Variants in DCC observed in about 807,000 individuals in gnomAD.
DCC encodes DCC netrin 1 receptor, also known as netrin receptor DCC.
In DCC, 58 loss-of-function variants were observed where a neutral mutation model predicts 172.5. The observed-to-expected ratio is 0.34, with a 90% CI of 0.27 to 0.42. The LOEUF (loss-of-function observed/expected upper bound fraction) is 0.42. Among genes scored for constraint, DCC ranks in the 10% least tolerant of loss-of-function variants. The probability of loss-of-function intolerance (pLI) is 1.00; values close to 1 mark genes in which losing one functional copy is unlikely to be tolerated. For synonymous variants in DCC, 709 were observed against 644.5 expected, an observed-to-expected ratio of 1.10 and a Z score of -1.52; for missense variants, 1,740 against 1,791.0, an observed-to-expected ratio of 0.97 and a Z score of 0.51.
chr18:52,754,650 A>T (rs2037051936), intron 2 of DCC, among the ~76,000 whole-genome samples: 1 of 152,164 alleles, frequency 6.6e-6, no homozygotes, highest in Non-Finnish European at 1.5e-5. Flanking sequence ...CAGTCCAGAT[A>T]CTTTGTGATA....
At chr18:52,514,021 A>G (rs564185494) in intron 1 of DCC, among the ~76,000 whole-genome samples, 5 of 152,180 alleles carry the variant, frequency 3.3e-5, no homozygotes, top group African/African-American at 1.2e-4. Flanking sequence ...CTTCCACAAG[A>G]TAGTTTGGAC....
At chr18:53,399,554 C>G (rs529026956) in intron 18 of DCC, among the ~76,000 whole-genome samples, 1 of 152,008 alleles carries the variant, frequency 6.6e-6, no homozygotes, top group African/African-American at 2.4e-5. Flanking sequence ...TTAAATGTTA[C>G]CTTCCATTCA....
At chr18:52,994,520 C>CGA (rs2041448632) in intron 5 of DCC, among the ~76,000 whole-genome samples, 3 of 152,132 alleles carry the variant, frequency 2.0e-5, no homozygotes, top group African/African-American at 7.2e-5. Flanking sequence ...GATTCTCATA[C>CGA]TTCAGTGAGT....
chr18:53,508,603 T>C (rs1321214123), intron 27 of DCC, among the ~76,000 whole-genome samples: 1 of 152,222 alleles, frequency 6.6e-6, no homozygotes, highest in Non-Finnish European at 1.5e-5. Context: ...TATTTTCTTT[T>C]TGGCTACGCT....
At chr18:52,370,465 A>G (rs1985067304) in intron 1 of DCC, among the ~76,000 whole-genome samples, 1 of 152,222 alleles carries the variant, frequency 6.6e-6, no homozygotes, top group Admixed American at 6.5e-5. Context: ...ATGCAGGAAC[A>G]GGAAACCAAA....
chr18:52,585,700 A>G (rs974512188), intron 1 of DCC, among the ~76,000 whole-genome samples: 1 of 152,228 alleles, frequency 6.6e-6, no homozygotes, highest in Admixed American at 6.5e-5. Flanking sequence ...AAAGTCAAAA[A>G]TAGATATGAA....
chr18:52,639,267 C>A (rs2034844903), intron 1 of DCC, among the ~76,000 whole-genome samples: 1 of 151,982 alleles, frequency 6.6e-6, no homozygotes, highest in Non-Finnish European at 1.5e-5. Context: ...AGAACAAGAA[C>A]AAATCCAACC....
In DCC at chr18:53,226,948, A is replaced by ATATTTTTTTTTT; in HGVS notation, c.1911+11352_1911+11353insATTTTTTTTTTT. Among the ~76,000 whole-genome samples, 67 of 52,944 alleles carry ATATTTTTTTTTT rather than the reference A, an allele frequency of 1.3e-3. 1 individual carries two copies. Among genetic ancestry groups the ATATTTTTTTTTT allele is most frequent in the Non-Finnish European group, 1.7e-3 (42 of 24,862 alleles). The allele number at this position is 52,944 out of a possible 152,430, so 34.7% of individuals were successfully genotyped here. A position where few individuals can be genotyped will look rare whatever the true frequency, so the allele number is the denominator to read the frequency against. On this transcript the variant is annotated intron_variant, in intron 12 of 28. Transcript: ENST00000442544. The stretch of plus-strand genomic sequence containing the variant: ...TGTGTGTGTGTGTATATATATATAT[A>ATATTTTTTTTTT]TTTTTTTTTTTTTTTTTTTGAGGCA...
intron 1 of DCC, among the ~76,000 whole-genome samples, chr18:52,745,329 T>G (rs1032785710): frequency 6.6e-6 from 1 of 152,160 alleles, no homozygotes; most frequent in Admixed American, 6.5e-5. Flanking sequence ...AGAACCCCCT[T>G]GCTCCAATCC....
chr18:53,044,774 A>G (rs555936321), intron 5 of DCC, among the ~76,000 whole-genome samples: 2 of 152,028 alleles, frequency 1.3e-5, no homozygotes, highest in African/African-American at 4.8e-5. Flanking sequence ...ACAATGCAGA[A>G]AATTTGTACC....
At chr18:52,877,319 A>G (rs2039418344) in intron 2 of DCC, among the ~76,000 whole-genome samples, 1 of 152,170 alleles carries the variant, frequency 6.6e-6, no homozygotes, top group African/African-American at 2.4e-5. Flanking sequence ...GTCCCTGGAG[A>G]AAAAAGAAAG....
At chr18:53,040,850 C>G (rs550437924) in intron 5 of DCC, among the ~76,000 whole-genome samples, 75 of 151,934 alleles carry the variant, frequency 4.9e-4, no homozygotes, top group Admixed American at 2.8e-3. Context: ...ACCACTGAGA[C>G]AGGTCAGGAT....
chr18:52,994,097 T>G (rs1051477757), intron 5 of DCC, among the ~76,000 whole-genome samples: 1 of 152,128 alleles, frequency 6.6e-6, no homozygotes, highest in Non-Finnish European at 1.5e-5. Flanking sequence ...GTCTCAGGAA[T>G]AGTCCTATTG....
At chr18:52,820,852 C>T (rs1017091592) in intron 2 of DCC, among the ~76,000 whole-genome samples, 3 of 152,206 alleles carry the variant, frequency 2.0e-5, no homozygotes, top group East Asian at 3.9e-4. Context: ...CACTGGAAAA[C>T]GAAGAGCCTG....
chr18:52,587,862 G>C (rs1264135136), intron 1 of DCC, among the ~76,000 whole-genome samples: 1 of 152,172 alleles, frequency 6.6e-6, no homozygotes, highest in Non-Finnish European at 1.5e-5. Flanking sequence ...ATTGGTACAG[G>C]CTGGGGATGA....
intron 1 of DCC, among the ~76,000 whole-genome samples, chr18:52,487,035 T>G (rs1343190592): frequency 2.0e-5 from 3 of 152,150 alleles, no homozygotes; most frequent in Admixed American, 2.0e-4. Context: ...ACCCACAGCC[T>G]TTAAATAAAA....
chr18:52,902,039 A>G (rs182688676), intron 2 of DCC, among the ~76,000 whole-genome samples: 4 of 152,314 alleles, frequency 2.6e-5, no homozygotes. Context: ...TAGAGATTTG[A>G]TAGGTAGATG....
chr18:52,835,331 A>G (rs938940774), intron 2 of DCC, among the ~76,000 whole-genome samples: 5 of 152,214 alleles, frequency 3.3e-5, no homozygotes, highest in African/African-American at 1.2e-4. Flanking sequence ...AACCATTTCA[A>G]AGTAATTTAC....
In DCC at chr18:53,039,042, C is replaced by T. The variant is rs552244663; in HGVS notation, c.986-24263C>T. The stretch of plus-strand genomic sequence containing the variant: ...GGAGAAATGTTGAGGTCGCCAAACC[C>T]AGGGAGCTTTTTAACTGATTCATTT... On this transcript the variant is annotated intron_variant, in intron 5 of 28. Transcript: ENST00000442544. 3.3e-5 allele frequency among the ~76,000 whole-genome samples: 5 copies of T among 152,112 alleles called. 1 individual carries two copies. The South Asian group carries it at 1.0e-3, about 31-fold the overall frequency.
Sources: gnomAD v4.1 joint callset for allele counts (sites outside exome capture counted in the v4.1 genomes callset) on GRCh38, gnomAD v4.1.1 for gene constraint, MANE v1.5 for transcripts, NCBI Gene and HGNC (gene_info 2026-07-23, HGNC 2026-07-21) for gene names.